The following DIAPH2 variants were observed in gnomAD, a reference collection of about 807,000 sequenced individuals.
DIAPH2 encodes diaphanous related formin 2.
In DIAPH2, 35 loss-of-function variants were observed where a neutral mutation model predicts 92.7. The ratio of observed to expected loss-of-function variants is 0.38; its 90% CI spans 0.29 to 0.50. The LOEUF is 0.50. DIAPH2 is among the 20% of genes least tolerant of loss of function. The pLI is 0.94. For missense variants in DIAPH2, 701 were observed against 819.5 expected (o/e 0.86, Z 1.77); for synonymous variants, 301 against 280.4 (o/e 1.07, Z -0.73).
chrX:97,589,027 A>AT lies in DIAPH2; in HGVS notation c.3242-10226_3242-10225insT, dbSNP rs748240865. On this transcript the variant is annotated intron_variant, in intron 26 of 26. Transcript: ENST00000324765. ...TATATATATATATATATATATATAT[A>AT]AAAGAATCAGATGGTTGCGGTGGCT... Among the ~76,000 whole-genome samples, 52 of 85,110 alleles carry AT rather than the reference A, an allele frequency of 6.1e-4. 1 individual carries two copies. The highest frequency in any genetic ancestry group is 5.0e-3 in the South Asian group (8 of 1,597). 73.9% of individuals were successfully genotyped at this position (85,110 alleles called of 115,157 possible).
chrX:97,249,555 G>A (rs2068170531), intron 23 of DIAPH2, among the ~76,000 whole-genome samples: 1 of 111,834 alleles, frequency 8.9e-6, no homozygotes, highest in African/African-American at 3.2e-5. Context: ...AGAATATTGA[G>A]TTGGGTTGGT....
At chrX:96,819,040 G>A (rs2064760283) in intron 4 of DIAPH2, among the ~76,000 whole-genome samples, 1 of 112,429 alleles carries the variant, frequency 8.9e-6, no homozygotes, top group South Asian at 3.7e-4. Flanking sequence ...TCTAATGCTG[G>A]TCTGACAGGA....
chrX:97,446,323 T>C (rs1189346202), intron 26 of DIAPH2, among the ~76,000 whole-genome samples: 1 of 112,052 alleles, frequency 8.9e-6, no homozygotes, highest in African/African-American at 3.2e-5. Flanking sequence ...CAAGTGTGAA[T>C]GTGTTTAATG....
intron 11 of DIAPH2, among the ~76,000 whole-genome samples, chrX:96,937,675 G>A (rs193010965): frequency 1.1e-3 from 126 of 111,746 alleles, no homozygotes; most frequent in African/African-American, 3.7e-3. Context: ...ATTTCACTGC[G>A]TTCATATGTG....
intron 10 of DIAPH2, among the ~76,000 whole-genome samples, chrX:96,935,629 T>A (rs2065652413): frequency 9.0e-6 from 1 of 111,461 alleles, no homozygotes; most frequent in Non-Finnish European, 1.9e-5. Context: ...CATTTACACA[T>A]GTCTAAATTT....
At chrX:97,231,366 T>C (rs1007960005) in intron 22 of DIAPH2, among the ~76,000 whole-genome samples, 54 of 109,477 alleles carry the variant, frequency 4.9e-4, no homozygotes, top group African/African-American at 1.6e-3. Flanking sequence ...AGTTCAGTCA[T>C]CTCTTAACAT....
intron 22 of DIAPH2, among the ~76,000 whole-genome samples, chrX:97,158,853 TTTCATGAAACA>T (rs2067344562): frequency 8.9e-6 from 1 of 112,218 alleles, no homozygotes; most frequent in Admixed American, 9.5e-5. Flanking sequence ...ATATCATTTA[TTTCATGAAACA>T]TTCATTAGCA....
chrX:97,496,669 T>G (rs1048547739), intron 26 of DIAPH2, among the ~76,000 whole-genome samples: 6 of 103,925 alleles, frequency 5.8e-5, no homozygotes, highest in African/African-American at 1.8e-4. Context: ...TTTTTTTTTT[T>G]TTTTTCCGAG....
chrX:96,715,942 A>G (rs2063947779), intron 1 of DIAPH2, among the ~76,000 whole-genome samples: 1 of 108,955 alleles, frequency 9.2e-6, no homozygotes, highest in African/African-American at 3.3e-5. Context: ...TATCCTTCCA[A>G]AACAAAAGGC....
chrX:97,040,214 TA>T (rs750084814), intron 17 of DIAPH2, among the ~76,000 whole-genome samples: 18 of 106,729 alleles, frequency 1.7e-4, no homozygotes, highest in African/African-American at 6.2e-4. Flanking sequence ...GTATGTGTGG[TA>T]GTCTCTCTAA....
chrX:96,982,187 A>T, intron 17 of DIAPH2, among the ~76,000 whole-genome samples: 1 of 112,082 alleles, frequency 8.9e-6, no homozygotes, highest in Non-Finnish European at 1.9e-5. Flanking sequence ...CCACATATTA[A>T]TACTATTCTG....
chrX:97,056,260 C>G (rs2066556051), intron 17 of DIAPH2, among the ~76,000 whole-genome samples: 1 of 111,430 alleles, frequency 9.0e-6, no homozygotes, highest in Non-Finnish European at 1.9e-5. Context: ...TATTTTGATA[C>G]TCTTTATTTT....
intron 22 of DIAPH2, among the ~76,000 whole-genome samples, chrX:97,207,962 G>A (rs916805306): frequency 2.7e-5 from 3 of 111,068 alleles, no homozygotes; most frequent in African/African-American, 9.8e-5. Context: ...GACCAGCCTG[G>A]CCAACATGGT....
At chrX:96,744,905 C>G (rs1347610360) in intron 3 of DIAPH2, among the ~76,000 whole-genome samples, 2 of 110,617 alleles carry the variant, frequency 1.8e-5, no homozygotes, top group Non-Finnish European at 3.8e-5. Context: ...TGTGCTGTTT[C>G]TCTTGATTGG....
chrX:97,229,896 A>G (rs2067996682), intron 22 of DIAPH2, among the ~76,000 whole-genome samples: 1 of 106,040 alleles, frequency 9.4e-6, no homozygotes, highest in South Asian at 4.0e-4. Context: ...TTGTTATTAT[A>G]TATGATAACA....
At chrX:97,021,497 G>A (rs1205959076) in intron 17 of DIAPH2, among the ~76,000 whole-genome samples, 1 of 112,170 alleles carries the variant, frequency 8.9e-6, no homozygotes, top group Non-Finnish European at 1.9e-5. Context: ...CAGCAAGAAA[G>A]TCTTAAGTAT....
intron 21 of DIAPH2, among the ~76,000 whole-genome samples, chrX:97,139,352 T>A (rs914143474): frequency 3.7e-5 from 4 of 107,817 alleles, no homozygotes; most frequent in African/African-American, 1.3e-4. Context: ...AAATAATTGG[T>A]CTAAGGCCTC....
At chrX:97,338,245 T>A (rs1472295724) in intron 23 of DIAPH2, among the ~76,000 whole-genome samples, 1 of 111,938 alleles carries the variant, frequency 8.9e-6, no homozygotes, top group Non-Finnish European at 1.9e-5. Flanking sequence ...TGAACCCAAA[T>A]GAAAATTAAT....
At chrX:97,264,407 A>G (rs1164857314) in intron 23 of DIAPH2, among the ~76,000 whole-genome samples, 1 of 110,648 alleles carries the variant, frequency 9.0e-6, no homozygotes, top group African/African-American at 3.3e-5. Context: ...TATATGTCTC[A>G]CAGAAATACT....
Sources: allele counts gnomAD v4.1 joint callset (sites outside exome capture counted in the v4.1 genomes callset), GRCh38; gene constraint gnomAD v4.1.1; transcripts MANE v1.5; gene names NCBI Gene and HGNC (gene_info 2026-07-23, HGNC 2026-07-21).